Variants in CTNND2 observed in about 807,000 individuals in gnomAD.
CTNND2 encodes the protein catenin delta 2.
CTNND2 carries 22 observed loss-of-function variants against 144.4 expected under a neutral mutation model. The observed-to-expected ratio is 0.15, with a 90% CI of 0.11 to 0.22. The LOEUF is 0.22. CTNND2 is among the 10% of genes least tolerant of loss of function. The pLI, the probability that CTNND2 is intolerant of heterozygous loss-of-function variation, is 1.00. For missense variants in CTNND2, 1,353 were observed against 1,618.8 expected, an observed-to-expected ratio of 0.84 and a Z score of 2.82; for synonymous variants, 751 against 695.6, an observed-to-expected ratio of 1.08 and a Z score of -1.25.
intron 2 of CTNND2, among the ~76,000 whole-genome samples, chr5:11,594,265 A>G (rs1779399053): frequency 6.6e-6 from 1 of 152,202 alleles, no homozygotes; most frequent in Non-Finnish European, 1.5e-5. Flanking sequence ...TCTCACACAC[A>G]TAACAGTGAG....
At chr5:11,117,627 C>T in intron 12 of CTNND2, 60 bp from the exon 13 acceptor site, 1 of 1,303,662 alleles carries the variant, frequency 7.7e-7, no homozygotes, top group Non-Finnish European at 1.1e-6. Context: ...AATGTCTTTC[C>T]ATGCCCAGCT....
At position 11,569,676 on chromosome 5, in the gene CTNND2, G is replaced by A. The variant is rs186127891; in HGVS notation, c.175-4620C>T. Reference sequence around the variant, plus strand: ...TTGTGGTATAGCATTAGTTGGGATGGTATCATCCAGATTTAAGGAAGTATA... The same window carrying A: ...TTGTGGTATAGCATTAGTTGGGATGATATCATCCAGATTTAAGGAAGTATA... On this transcript the variant is annotated intron_variant, in intron 2 of 21. Coordinates refer to ENST00000304623, the MANE Select transcript of CTNND2 (RefSeq NM_001332.4). Among the ~76,000 whole-genome samples the A allele has an allele frequency of 5.9e-3, 898 of 152,170 alleles. 5 individuals carry two copies. Among genetic ancestry groups the A allele is most frequent in the Admixed American group, 9.5e-3 (145 of 15,280 alleles).
In CTNND2 at chr5:11,392,582, C is replaced by T. The variant is rs865944609; in HGVS notation, c.612+4449G>A. On this transcript the variant is annotated intron_variant, in intron 6 of 21. Coordinates refer to ENST00000304623, the MANE Select transcript of CTNND2 (RefSeq NM_001332.4). ...CCCTCTCTGCCATGAGAAACGTTTCCATTATTGAAGCCAAACTAAATTTGC... is the reference window on the plus strand; with the variant it reads ...CCCTCTCTGCCATGAGAAACGTTTCTATTATTGAAGCCAAACTAAATTTGC... Among the ~76,000 whole-genome samples the T allele has an allele frequency of 3.9e-5, 6 of 152,072 alleles. No individual in the cohort carries two copies. The South Asian group carries it at 6.2e-4, about 16-fold the overall frequency.
At chr5:11,641,488 T>TGCACACATATACACGTATATGTACAG (rs1781998301) in intron 2 of CTNND2, among the ~76,000 whole-genome samples, 1 of 151,042 alleles carries the variant, frequency 6.6e-6, no homozygotes, top group Non-Finnish European at 1.5e-5. Flanking sequence ...TATATGTACA[T>TGCACACATATACACGTATATGTACAG]GCACACATAT....
intron 14 of CTNND2, among the ~76,000 whole-genome samples, chr5:11,107,657 G>A (rs544825158): frequency 6.6e-6 from 1 of 152,364 alleles, no homozygotes; most frequent in Non-Finnish European, 1.5e-5. Context: ...TAAGTTCTTA[G>A]ATGATAACAG....
chr5:11,548,984 T>C (rs1775512637), intron 3 of CTNND2, among the ~76,000 whole-genome samples: 1 of 152,212 alleles, frequency 6.6e-6, no homozygotes, highest in Non-Finnish European at 1.5e-5. Flanking sequence ...AATGCACTTC[T>C]GCATCCCTAC....
intron 9 of CTNND2, among the ~76,000 whole-genome samples, chr5:11,256,534 T>C (rs190542743): frequency 2.6e-5 from 4 of 152,342 alleles, no homozygotes; most frequent in Admixed American, 2.6e-4. Flanking sequence ...ATATAGTAGA[T>C]ATTCAATGAA....
chr5:11,736,227 A>T (rs186602818), intron 1 of CTNND2, among the ~76,000 whole-genome samples: 2 of 152,262 alleles, frequency 1.3e-5, no homozygotes, highest in Admixed American at 1.3e-4. Flanking sequence ...GACCTGTCAT[A>T]AAAAAATATG....
chr5:11,894,501 A>T (rs916549642), intron 1 of CTNND2, among the ~76,000 whole-genome samples: 1 of 152,228 alleles, frequency 6.6e-6, no homozygotes, highest in Admixed American at 6.5e-5. Context: ...ACACATTAGT[A>T]ACAAAATTCA....
At chr5:11,418,210 C>T (rs550457786) in intron 3 of CTNND2, among the ~76,000 whole-genome samples, 1 of 152,022 alleles carries the variant, frequency 6.6e-6, no homozygotes, top group East Asian at 1.9e-4. Context: ...AGTTCGAGGC[C>T]AGCCTTACCA....
At position 11,425,671 on chromosome 5, in the gene CTNND2, T is replaced by C. The variant is rs114955580; in HGVS notation, c.288-13602A>G. On this transcript the variant is annotated intron_variant, in intron 3 of 21. Coordinates refer to ENST00000304623, the MANE Select transcript of CTNND2 (RefSeq NM_001332.4). Reference sequence around the variant, plus strand: ...ATCTTTAATCATTCTTGGGATTATTTACACCAATCTATCCATTTTCCACTG... The same window carrying C: ...ATCTTTAATCATTCTTGGGATTATTCACACCAATCTATCCATTTTCCACTG... Among the ~76,000 whole-genome samples the C allele has an allele frequency of 2.0e-3, 302 of 152,350 alleles. 2 individuals carry two copies. Among genetic ancestry groups the C allele is most frequent in the African/African-American group, 6.6e-3 (275 of 41,578 alleles).
intron 9 of CTNND2, among the ~76,000 whole-genome samples, chr5:11,291,496 T>C (rs1302947158): frequency 6.6e-6 from 1 of 152,156 alleles, no homozygotes; most frequent in Non-Finnish European, 1.5e-5. Context: ...TACACAATTA[T>C]TCTCAGATGA....
At chr5:11,805,331 A>G (rs991365294) in intron 1 of CTNND2, among the ~76,000 whole-genome samples, 5 of 152,134 alleles carry the variant, frequency 3.3e-5, no homozygotes, top group Non-Finnish European at 7.4e-5. Context: ...TTTATTTGCT[A>G]TATCAACTGA....
chr5:11,232,574 A>AT (rs1741149816), intron 10 of CTNND2, among the ~76,000 whole-genome samples: 1 of 152,214 alleles, frequency 6.6e-6, no homozygotes, highest in Admixed American at 6.5e-5. Flanking sequence ...CTTGGAAAAG[A>AT]TGTATTTACC....
chr5:11,519,623 T>C (rs1194088515), intron 3 of CTNND2, among the ~76,000 whole-genome samples: 1 of 152,114 alleles, frequency 6.6e-6, no homozygotes, highest in African/African-American at 2.4e-5. Context: ...CTGTTTAATA[T>C]TATCTGGATT....
chr5:11,303,926 C>T (rs1271704539), intron 9 of CTNND2, among the ~76,000 whole-genome samples: 1 of 152,102 alleles, frequency 6.6e-6, no homozygotes, highest in Non-Finnish European at 1.5e-5. Flanking sequence ...CCATACTGTT[C>T]TCATGATAGT....
At chr5:11,456,967 T>A (rs1417352745) in intron 3 of CTNND2, among the ~76,000 whole-genome samples, 10 of 152,234 alleles carry the variant, frequency 6.6e-5, no homozygotes, top group Non-Finnish European at 1.0e-4. Flanking sequence ...TCTAAACTTG[T>A]TCATTTTGTA....
intron 1 of CTNND2, among the ~76,000 whole-genome samples, chr5:11,880,859 C>T (rs1448039904): frequency 7.9e-6 from 1 of 127,146 alleles, no homozygotes; most frequent in Non-Finnish European, 1.7e-5. Context: ...ACCACTACTA[C>T]TACCACTACT....
At chr5:11,692,179 G>A (rs899049233) in intron 2 of CTNND2, among the ~76,000 whole-genome samples, 1 of 152,202 alleles carries the variant, frequency 6.6e-6, no homozygotes, top group Non-Finnish European at 1.5e-5. Flanking sequence ...TGGCTGCAAT[G>A]TATTTTGTGA....
Sources: allele counts gnomAD v4.1 joint callset (sites outside exome capture counted in the v4.1 genomes callset), GRCh38; gene constraint gnomAD v4.1.1; transcripts MANE v1.5; gene names NCBI Gene and HGNC (gene_info 2026-07-23, HGNC 2026-07-21).